The following NHLRC2 variants were observed in gnomAD, a reference collection of about 807,000 sequenced individuals.
NHLRC2 encodes the protein NHL repeat containing 2.
A neutral mutation model predicts 68.1 loss-of-function variants in NHLRC2; 33 were observed. The ratio of observed to expected loss-of-function variants is 0.48; its 90% CI spans 0.37 to 0.65. The LOEUF (loss-of-function observed/expected upper bound fraction) is 0.65, where lower values mean the gene tolerates loss of function less well. NHLRC2 is among the 30% of genes least tolerant of loss of function. The pLI, the probability that NHLRC2 is intolerant of heterozygous loss-of-function variation, is 0.00. For synonymous variants in NHLRC2, 311 were observed against 309.6 expected, an observed-to-expected ratio of 1.00 and a Z score of -0.05; for missense variants, 761 against 853.8, an observed-to-expected ratio of 0.89 and a Z score of 1.35.
In NHLRC2 at chr10:113,904,843, T is replaced by A; in HGVS notation, c.1731T>A (p.Ala577=). 2 of 1,613,798 alleles carry A rather than the reference T, an allele frequency of 1.2e-6. No individual in the cohort carries two copies. Among genetic ancestry groups the A allele is most frequent in the Non-Finnish European group, 1.7e-6 (2 of 1,179,748 alleles). ...SVLPIFRSEN[A]VVDGPFLVEK... ...TCCCCATCTTCAGATCTGAAAATGCTGTGGTAGATGGCCCGTTCCTAGTAG... is the reference window on the plus strand; with the variant it reads ...TCCCCATCTTCAGATCTGAAAATGCAGTGGTAGATGGCCCGTTCCTAGTAG... Residue 577 remains alanine, a synonymous_variant, in exon 10 of 11, where the codon GCT becomes GCA. Coordinates refer to ENST00000369301, the MANE Select transcript of NHLRC2 (RefSeq NM_198514.4).
chr10:113,855,196 G>C (rs1051668593), intron 1 of NHLRC2, 146 bp downstream of exon 1: 45 of 735,392 alleles, frequency 6.1e-5, no homozygotes, highest in Non-Finnish European at 1.0e-4. Flanking sequence ...GCCGCTGTTC[G>C]CGTGTTCTGC....
chr10:113,883,414 A>C (rs1846053252), intron 4 of NHLRC2, among the ~76,000 whole-genome samples: 1 of 151,912 alleles, frequency 6.6e-6, no homozygotes, highest in South Asian at 2.1e-4. Context: ...GCTTTGAGGA[A>C]TAAGATATCT....
chr10:113,879,303 T>C (rs943681226), intron 3 of NHLRC2, among the ~76,000 whole-genome samples: 1 of 152,206 alleles, frequency 6.6e-6, no homozygotes, highest in Non-Finnish European at 1.5e-5. Context: ...TTTAAATCTT[T>C]GTAGTCTAGG....
intron 2 of NHLRC2, among the ~76,000 whole-genome samples, chr10:113,862,581 A>G (rs1014018139): frequency 1.3e-5 from 2 of 152,204 alleles, no homozygotes; most frequent in South Asian, 4.1e-4. Flanking sequence ...CTCTTTGTCA[A>G]TAATTACTTT....
rs769432642 is a variant in NHLRC2 at position 113,908,375 on chromosome 10, T to G, written c.2020T>G (p.Leu674Val). Residue 674 changes from leucine to valine, a missense_variant, in exon 11 of 11, where the codon TTA becomes GTA. By Grantham distance (32) the Leu-to-Val change is conservative. Coordinates refer to ENST00000369301, the MANE Select transcript of NHLRC2 (RefSeq NM_198514.4). ...TISLQIPDDCLSLEAIVSVSV... is the reference protein window; with the variant it reads ...TISLQIPDDCVSLEAIVSVSV... Reference sequence around the variant, plus strand: ...TTCACTACAAATTCCTGATGATTGCTTATCACTTGAAGCCATTGTATCTGT... The same window carrying G: ...TTCACTACAAATTCCTGATGATTGCGTATCACTTGAAGCCATTGTATCTGT... The G allele has an allele frequency of 6.2e-7, 1 of 1,614,086 alleles. No homozygotes were observed. The highest frequency in any genetic ancestry group is 1.1e-5 in the South Asian group (1 of 91,078).
chr10:113,885,209 A>G (rs1846070463), intron 5 of NHLRC2, among the ~76,000 whole-genome samples: 2 of 151,962 alleles, frequency 1.3e-5, no homozygotes, highest in South Asian at 4.1e-4. Context: ...CAAACACCCT[A>G]CTTTTTGGTT....
At chr10:113,880,136 T>C (rs927586999) in intron 4 of NHLRC2, among the ~76,000 whole-genome samples, 3 of 152,036 alleles carry the variant, frequency 2.0e-5, no homozygotes, top group Admixed American at 6.6e-5. Flanking sequence ...TTATTATGTG[T>C]CCTTATTTCT....
At chr10:113,897,965 A>ATT (rs1243111602) in intron 5 of NHLRC2, 145 bp from the exon 6 acceptor site, 13 of 451,520 alleles carry the variant, frequency 2.9e-5, no homozygotes, top group Non-Finnish European at 5.1e-5. Context: ...ATTTTCAAAG[A>ATT]TAACTTGAAA....
At chr10:113,864,594 G>A (rs1411520019) in intron 2 of NHLRC2, among the ~76,000 whole-genome samples, 2 of 151,654 alleles carry the variant, frequency 1.3e-5, no homozygotes, top group Admixed American at 1.3e-4. Context: ...CTACTAGGGA[G>A]GCTGAGGCAA....
chr10:113,910,009 CAT>C lies in NHLRC2; in HGVS notation c.*1474_*1475del, dbSNP rs1440734701. On this transcript the variant is annotated 3_prime_UTR_variant, in exon 11 of 11. Coordinates refer to ENST00000369301, the MANE Select transcript of NHLRC2 (RefSeq NM_198514.4). ...TGAAGTAAGGATGTATAAATCATGA[CAT>C]TGATTTAATTAGTCATCTACTGAAG... is the stretch of plus-strand genomic sequence containing the variant. 2 of 152,070 alleles carry C rather than the reference CAT, an allele frequency of 1.3e-5. No individual in the cohort carries two copies. The highest frequency in any genetic ancestry group is 4.8e-5 in the African/African-American group (2 of 41,412). 9.4% of individuals were successfully genotyped at this position (152,070 alleles called of 1,614,324 possible).
At chr10:113,872,822 G>A (rs1281615366) in intron 2 of NHLRC2, among the ~76,000 whole-genome samples, 1 of 149,488 alleles carries the variant, frequency 6.7e-6, no homozygotes, top group African/African-American at 2.4e-5. Flanking sequence ...AAAACAGGCA[G>A]AGGAGGTCCA....
intron 2 of NHLRC2, among the ~76,000 whole-genome samples, chr10:113,875,501 C>T (rs1173460457): frequency 1.3e-5 from 2 of 152,088 alleles, no homozygotes; most frequent in Non-Finnish European, 2.9e-5. Context: ...TTTTGGCTCT[C>T]CATACAGCTC....
chr10:113,877,008 G>A (rs373826750), intron 3 of NHLRC2, 32 bp downstream of exon 3: 51 of 1,243,222 alleles, frequency 4.1e-5, no homozygotes, highest in African/African-American at 1.8e-4. Flanking sequence ...GATAGATAAC[G>A]TGTTTTACAG....
intron 5 of NHLRC2, among the ~76,000 whole-genome samples, chr10:113,897,170 C>A (rs1239628777): frequency 1.3e-5 from 2 of 151,874 alleles, no homozygotes; most frequent in African/African-American, 4.8e-5. Flanking sequence ...TTGATAATAT[C>A]ATTGACTATG....
intron 2 of NHLRC2, among the ~76,000 whole-genome samples, chr10:113,862,042 T>C (rs1845820835): frequency 6.6e-6 from 1 of 151,984 alleles, no homozygotes; most frequent in Admixed American, 6.6e-5. Context: ...CCAGCTACTT[T>C]TTGTATTTTT....
intron 2 of NHLRC2, among the ~76,000 whole-genome samples, chr10:113,870,522 A>G (rs1047416426): frequency 6.6e-6 from 1 of 152,222 alleles, no homozygotes; most frequent in Non-Finnish European, 1.5e-5. Context: ...TGTGTGCCAT[A>G]ACTCATTCAG....
chr10:113,861,436 C>A (rs1845815088), intron 2 of NHLRC2, among the ~76,000 whole-genome samples: 2 of 152,152 alleles, frequency 1.3e-5, no homozygotes, highest in South Asian at 4.1e-4. Flanking sequence ...TCATCACATA[C>A]AAGGAATCTT....
intron 10 of NHLRC2, among the ~76,000 whole-genome samples, chr10:113,905,275 A>G (rs1313445977): frequency 1.3e-5 from 2 of 152,144 alleles, no homozygotes; most frequent in East Asian, 1.9e-4. Flanking sequence ...TGTTAGCATG[A>G]TTTCTTGGAA....
rs780282230 is a variant in NHLRC2, at chr10:113,904,888, CAA to C, written c.1778_1779del (p.Lys593ThrfsTer3). ...FLVEKQKTLP[K>X]LPKSAPSIRL... ...TAGTAGAAAAACAGAAGACATTACC[CAA>C]ACTACCTAAATCTGCTCCAAGCATT... is the stretch of plus-strand genomic sequence containing the variant. On this transcript the variant is annotated frameshift_variant, in exon 10 of 11. Coordinates refer to ENST00000369301, the MANE Select transcript of NHLRC2 (RefSeq NM_198514.4). LOFTEE classifies it high-confidence loss of function. The C allele has an allele frequency of 6.2e-7, 1 of 1,612,590 alleles. No homozygotes were observed. The highest frequency in any genetic ancestry group is 1.1e-5 in the South Asian group (1 of 90,768).
Sources: allele counts gnomAD v4.1 joint callset (sites outside exome capture counted in the v4.1 genomes callset), GRCh38; gene constraint gnomAD v4.1.1; transcripts MANE v1.5; gene names NCBI Gene and HGNC (gene_info 2026-07-23, HGNC 2026-07-21).